The following ZNF76 variants were observed in gnomAD, a reference collection of about 807,000 sequenced individuals.
ZNF76 encodes the protein zinc finger protein 76, also known as zinc finger protein 523.
In ZNF76, 66 loss-of-function variants were observed where a neutral mutation model predicts 66.9. The ratio of observed to expected loss-of-function variants is 0.99; its 90% CI spans 0.81 to 1.21. The LOEUF (loss-of-function observed/expected upper bound fraction) is 1.21, where lower values mean the gene tolerates loss of function less well. ZNF76 is among the 50% of genes most tolerant of loss of function. The probability of loss-of-function intolerance (pLI) is 0.00; values close to 1 mark genes in which losing one functional copy is unlikely to be tolerated. For synonymous variants in ZNF76, 275 were observed against 296.1 expected, an observed-to-expected ratio of 0.93 and a Z score of 0.73; for missense variants, 729 against 760.3, an observed-to-expected ratio of 0.96 and a Z score of 0.48.
intron 1 of ZNF76, among the ~76,000 whole-genome samples, chr6:35,274,743 A>G (rs1787630035): frequency 6.6e-6 from 1 of 152,220 alleles, no homozygotes; most frequent in East Asian, 1.9e-4. Flanking sequence ...GTTTTTCTAA[A>G]TGTTCTCTCT....
At chr6:35,286,842 A>G (rs2150367792) in intron 4 of ZNF76, 1 of 230,024 alleles carries the variant, frequency 4.3e-6, no homozygotes, top group South Asian at 6.4e-5. Flanking sequence ...AGTATACAAG[A>G]CAGAACAAAG....
chr6:35,294,786 T>C, intron 13 of ZNF76: 1 of 602,008 alleles, frequency 1.7e-6, no homozygotes, highest in Non-Finnish European at 3.0e-6. Flanking sequence ...TCAGGATAAC[T>C]CCGATGGCAG....
intron 1 of ZNF76, among the ~76,000 whole-genome samples, chr6:35,280,235 A>G (rs1353651971): frequency 2.6e-5 from 4 of 152,134 alleles, no homozygotes; most frequent in African/African-American, 4.8e-5. Flanking sequence ...ATAAACATGA[A>G]TGTTAGAACA....
intron 12 of ZNF76, 110 bp downstream of exon 12, chr6:35,294,025 C>T: frequency 7.5e-7 from 1 of 1,338,920 alleles, no homozygotes; most frequent in Non-Finnish European, 1.0e-6. Flanking sequence ...GACAAAGATT[C>T]CCCACAAAAG....
chr6:35,275,619 C>T (rs1787781511), intron 1 of ZNF76, among the ~76,000 whole-genome samples: 1 of 152,168 alleles, frequency 6.6e-6, no homozygotes, highest in Non-Finnish European at 1.5e-5. Context: ...TGCAGTCAGG[C>T]TCTTTTGGAA....
intron 1 of ZNF76, among the ~76,000 whole-genome samples, chr6:35,261,977 T>C (rs1785320757): frequency 6.6e-6 from 1 of 152,206 alleles, no homozygotes; most frequent in South Asian, 2.1e-4. Flanking sequence ...ACAACAGATT[T>C]AATAAGAGAA....
At chr6:35,269,300 AAAAT>A (rs1293562655) in intron 1 of ZNF76, among the ~76,000 whole-genome samples, 2 of 151,478 alleles carry the variant, frequency 1.3e-5, no homozygotes, top group African/African-American at 4.9e-5. Context: ...AAAAAAAAAA[AAAAT>A]GTATGAGGCG....
intron 1 of ZNF76, among the ~76,000 whole-genome samples, chr6:35,274,794 A>G (rs1043330741): frequency 3.3e-5 from 5 of 152,348 alleles, no homozygotes; most frequent in African/African-American, 1.2e-4. Flanking sequence ...TAAGAAACAC[A>G]TCGATATATT....
chr6:35,259,599 G>C (rs1784871142), upstream of ZNF76: 1 of 152,078 alleles, frequency 6.6e-6, no homozygotes, highest in African/African-American at 2.4e-5. Flanking sequence ...AAGTTGGATG[G>C]CTGCCGCGGC....
rs909266945 is a variant in ZNF76, at chr6:35,275,347, C to T, written c.-96-5709C>T. Among the ~76,000 whole-genome samples, 9 of 152,046 alleles carry T rather than the reference C, an allele frequency of 5.9e-5. No homozygotes were observed. In the East Asian group the frequency reaches 1.7e-3, roughly 29 times the overall value. On this transcript the variant is annotated intron_variant, in intron 1 of 13. Coordinates refer to ENST00000373953, the MANE Select transcript of ZNF76 (RefSeq NM_003427.5). ...ATCCTACAAGGAGAAAACAGAGCAG[C>T]CACCCTCACTGCCCCTCTGCCCTGT... is the stretch of plus-strand genomic sequence containing the variant.
At chr6:35,288,395 G>A in intron 5 of ZNF76, 1 of 349,488 alleles carries the variant, frequency 2.9e-6, no homozygotes, top group Non-Finnish European at 5.6e-6. Flanking sequence ...AAAGGGTCCT[G>A]GCTCTGCAAA....
rs1202549717 is a variant in ZNF76 at position 35,287,854 on chromosome 6, G to T, written c.432+9G>T. 1.3e-6 allele frequency: 2 copies of T among 1,575,694 alleles called. No homozygotes were observed. Among genetic ancestry groups the T allele is most frequent in the South Asian group, 1.1e-5 (1 of 87,106 alleles). On this transcript the variant is annotated intron_variant, in intron 5 of 13. Transcript: ENST00000373953. This position sits in a 1 kb window ranked among gnomAD's most constrained non-coding sequence, Gnocchi z 4.0. ...AGCAGTATGCCAGCAAGGTGAGCAC[G>T]CACAGCGTGACACGGTCTGTCACTC...
chr6:35,294,002 G>C, intron 12 of ZNF76, 87 bp downstream of exon 12: 1 of 1,478,666 alleles, frequency 6.8e-7, no homozygotes, highest in Non-Finnish European at 9.2e-7. Flanking sequence ...AACTAGTCAA[G>C]TCTTCTTACC....
rs114564367 is a variant in ZNF76, at chr6:35,276,621, G to C, written c.-96-4435G>C. On this transcript the variant is annotated intron_variant, in intron 1 of 13. Transcript: ENST00000373953. The stretch of plus-strand genomic sequence containing the variant: ...AGCCTGTGCTCTTAACCACACCACT[G>C]ATTTTCCTTAGAAAGTCCCAGTGGA... Among the ~76,000 whole-genome samples the C allele has an allele frequency of 5.2e-3, 795 of 152,268 alleles. 9 individuals carry two copies. The highest frequency in any genetic ancestry group is 9.2e-3 in the Non-Finnish European group (627 of 68,008).
intron 6 of ZNF76, 98 bp downstream of exon 6, chr6:35,290,480 G>A (rs1016590337): frequency 9.6e-6 from 15 of 1,559,304 alleles, no homozygotes; most frequent in African/African-American, 1.4e-5. Flanking sequence ...CTGCCCTCAC[G>A]TTGCTGGAGG....
Position 35,295,354 on chromosome 6 carries a change from A to G in ZNF76, c.*106A>G. On this transcript the variant is annotated 3_prime_UTR_variant, in exon 14 of 14. Transcript: ENST00000373953. ...TGGCTGACACATAGAAGGTGGCCAC[A>G]TAGGTCTCTGGGGTGAGAAGACAGC... 1 of 974,870 alleles carries G rather than the reference A, an allele frequency of 1.0e-6. No homozygotes were observed. Among genetic ancestry groups the G allele is most frequent in the South Asian group, 1.4e-5 (1 of 72,210 alleles). The allele number at this position is 974,870 out of a possible 1,614,324, so 60.4% of individuals were successfully genotyped here.
intron 7 of ZNF76, 30 bp downstream of exon 7, chr6:35,290,746 G>A (rs749430247): frequency 6.2e-7 from 1 of 1,609,846 alleles, no homozygotes; most frequent in Non-Finnish European, 8.5e-7. Context: ...GCTTCCAGTT[G>A]AGGGTGGAGG....
Position 35,292,504 on chromosome 6 carries a change from C to T in ZNF76, c.932-50C>T, listed in dbSNP as rs186092203. The T allele has an allele frequency of 1.9e-6, 3 of 1,600,938 alleles. No individual in the cohort carries two copies. The highest frequency in any genetic ancestry group is 1.1e-5 in the South Asian group (1 of 90,464). ...TCCCTCACCCCTGTCCCCTTAGTTT[C>T]CCCCTTGCCAGCCCCAGTTCCCACC... On this transcript the variant is annotated intron_variant, in intron 9 of 13. Coordinates refer to ENST00000373953, the MANE Select transcript of ZNF76 (RefSeq NM_003427.5). This position sits in a 1 kb window ranked among gnomAD's most constrained non-coding sequence, Gnocchi z 4.7.
At chr6:35,278,325 T>A (rs1471735591) in intron 1 of ZNF76, among the ~76,000 whole-genome samples, 1 of 152,174 alleles carries the variant, frequency 6.6e-6, no homozygotes, top group Admixed American at 6.5e-5. Context: ...TGTGCCACCA[T>A]GCCCAGCTAA....
Sources: allele counts gnomAD v4.1 joint callset (sites outside exome capture counted in the v4.1 genomes callset), GRCh38; gene constraint gnomAD v4.1.1; non-coding constraint Gnocchi (gnomAD v3.1); transcripts MANE v1.5; gene names NCBI Gene and HGNC (gene_info 2026-07-23, HGNC 2026-07-21).